GAN: variants seen among roughly 807,000 people sequenced by gnomAD.
The protein encoded by GAN is gigaxonin.
In GAN, 48 loss-of-function variants were observed where a neutral mutation model predicts 71.3. The ratio of observed to expected loss-of-function variants is 0.67; its 90% CI spans 0.53 to 0.86. The LOEUF (loss-of-function observed/expected upper bound fraction) is 0.86, where lower values mean the gene tolerates loss of function less well. GAN is among the 40% of genes least tolerant of loss of function. The probability of loss-of-function intolerance (pLI) is 0.00; values close to 1 mark genes in which losing one functional copy is unlikely to be tolerated. For missense variants in GAN, 928 were observed against 770.1 expected, an observed-to-expected ratio of 1.21 and a Z score of -2.43; for synonymous variants, 386 against 276.8, an observed-to-expected ratio of 1.39 and a Z score of -3.92.
chr16:81,372,834 A>G (rs988986846), intron 9 of GAN, among the ~76,000 whole-genome samples: 4 of 152,236 alleles, frequency 2.6e-5, no homozygotes, highest in Admixed American at 6.5e-5. Context: ...TTATCTTTCA[A>G]AGGTGTGTTC....
Position 81,357,905 on chromosome 16 carries a change from G to T in GAN, c.947G>T (p.Arg316Ile). 1 of 1,613,898 alleles carries T rather than the reference G, an allele frequency of 6.2e-7. No individual in the cohort carries two copies. Among genetic ancestry groups the T allele is most frequent in the Non-Finnish European group, 8.5e-7 (1 of 1,179,854 alleles). ...WIELAPLSMP[R>I]INHGVLSAEG... ...GAACTGGCCCCTTTAAGCATGCCGAGAATTAACCATGGAGTTCTCTCAGCA... is the reference window on the plus strand; with the variant it reads ...GAACTGGCCCCTTTAAGCATGCCGATAATTAACCATGGAGTTCTCTCAGCA... Residue 316 changes from arginine to isoleucine, a missense_variant, in exon 5 of 11, where the codon AGA becomes ATA. Transcript: ENST00000648994.
chr16:81,340,375 C>T (rs576668813), intron 1 of GAN, among the ~76,000 whole-genome samples: 14 of 152,306 alleles, frequency 9.2e-5, no homozygotes, highest in Admixed American at 8.5e-4. Flanking sequence ...TAAAAGGGCT[C>T]CTTGTCCAAC....
At chr16:81,323,017 C>G (rs984891187) in intron 1 of GAN, among the ~76,000 whole-genome samples, 1 of 152,204 alleles carries the variant, frequency 6.6e-6, no homozygotes, top group South Asian at 2.1e-4. Context: ...TTGCCATTCT[C>G]CTCTCCATGC....
chr16:81,358,600 C>T (rs545245563), intron 5 of GAN, among the ~76,000 whole-genome samples: 1 of 150,974 alleles, frequency 6.6e-6, no homozygotes, highest in Non-Finnish European at 1.5e-5. Context: ...CAGAGTGAGA[C>T]CCTGTCTCAA....
At chr16:81,376,039 G>C (rs1409246020) in intron 9 of GAN, among the ~76,000 whole-genome samples, 1 of 151,554 alleles carries the variant, frequency 6.6e-6, no homozygotes, top group African/African-American at 2.4e-5. Flanking sequence ...CAACATCATT[G>C]GTCTTCAGGG....
At chr16:81,324,549 G>T (rs1302823126) in intron 1 of GAN, among the ~76,000 whole-genome samples, 1 of 152,102 alleles carries the variant, frequency 6.6e-6, no homozygotes, top group Non-Finnish European at 1.5e-5. Flanking sequence ...GCAAAGGGTG[G>T]GATGGCATCG....
At position 81,365,332 on chromosome 16, in the gene GAN, C is replaced by T. The variant is rs761982534; in HGVS notation, c.1374-18C>T. The T allele has an allele frequency of 1.2e-6, 2 of 1,613,682 alleles. No homozygotes were observed. Among genetic ancestry groups the T allele is most frequent in the African/African-American group, 2.7e-5 (2 of 74,794 alleles). ...ATTGTACAGCTTGTGCCTGATAACG[C>T]TGTGTGTGGCCTTTCAGGTTTGGAG... On this transcript the variant is annotated intron_variant, in intron 8 of 10. Coordinates refer to ENST00000648994, the MANE Select transcript of GAN (RefSeq NM_022041.4).
At chr16:81,340,593 T>G (rs148226068) in intron 1 of GAN, among the ~76,000 whole-genome samples, 3,230 of 151,804 alleles carry the variant, frequency 0.021, 58 homozygotes, top group East Asian at 0.083. Flanking sequence ...AGCATCAACA[T>G]CAACAAAAAG....
In GAN at chr16:81,387,128, C is replaced by T. The variant is rs1904425142; in HGVS notation, c.*9532C>T. 3.9e-5 allele frequency: 6 copies of T among 152,116 alleles called. No individual in the cohort carries two copies. Among genetic ancestry groups the T allele is most frequent in the Admixed American group, 3.9e-4 (6 of 15,272 alleles). The allele number at this position is 152,116 out of a possible 1,614,324, so 9.4% of individuals were successfully genotyped here. On this transcript the variant is annotated 3_prime_UTR_variant, in exon 11 of 11. Transcript: ENST00000648994. Reference sequence around the variant, plus strand: ...ATAACTTGAATAAAAATATAGAAGGCAAAGAAGAGTGCTGGGCAAGATGTG... The same window carrying T: ...ATAACTTGAATAAAAATATAGAAGGTAAAGAAGAGTGCTGGGCAAGATGTG...
intron 9 of GAN, among the ~76,000 whole-genome samples, chr16:81,375,754 C>A (rs911660764): frequency 6.6e-6 from 1 of 151,846 alleles, no homozygotes; most frequent in East Asian, 1.9e-4. Context: ...TCACTTGAGC[C>A]CTGGAACCTG....
chr16:81,366,958 G>C (rs935656119), intron 9 of GAN, among the ~76,000 whole-genome samples: 1 of 152,078 alleles, frequency 6.6e-6, no homozygotes, highest in African/African-American at 2.4e-5. Context: ...CCAAGTAGCT[G>C]GGACTACAGG....
At chr16:81,364,142 T>C (rs1404417643) in intron 7 of GAN, among the ~76,000 whole-genome samples, 199 bp downstream of exon 7, 1 of 152,214 alleles carries the variant, frequency 6.6e-6, no homozygotes, top group Non-Finnish European at 1.5e-5. Flanking sequence ...TGTGAGAGTT[T>C]ATCCTGCTTG....
intron 2 of GAN, among the ~76,000 whole-genome samples, chr16:81,353,287 G>T (rs1341858370): frequency 4.6e-5 from 3 of 65,352 alleles, no homozygotes; most frequent in Non-Finnish European, 8.4e-5. Flanking sequence ...GCGAGACTCC[G>T]TCTCAAAAAA....
intron 1 of GAN, among the ~76,000 whole-genome samples, chr16:81,326,033 A>G (rs1476792088): frequency 2.6e-5 from 4 of 151,930 alleles, no homozygotes; most frequent in Non-Finnish European, 5.9e-5. Context: ...GATTTTTCCA[A>G]CTCTGCCAAA....
intron 9 of GAN, among the ~76,000 whole-genome samples, chr16:81,370,917 A>G (rs1017688057): frequency 2.0e-5 from 3 of 152,182 alleles, no homozygotes; most frequent in African/African-American, 4.8e-5. Flanking sequence ...TTGCTTTTCT[A>G]AGGCACACCA....
At chr16:81,326,363 C>CAAAAAAAAA (rs66769713) in intron 1 of GAN, among the ~76,000 whole-genome samples, 1 of 138,720 alleles carries the variant, frequency 7.2e-6, no homozygotes, top group African/African-American at 2.7e-5. Context: ...ACTAAAAATA[C>CAAAAAAAAA]AAAAAAAAAA....
chr16:81,320,205 A>G (rs933768364), intron 1 of GAN, among the ~76,000 whole-genome samples: 1 of 152,240 alleles, frequency 6.6e-6, no homozygotes, highest in African/African-American at 2.4e-5. Context: ...GGAGACTAAT[A>G]GGATCTCTGT....
chr16:81,382,829 CTAT>C lies in GAN; in HGVS notation c.*5241_*5243del, dbSNP rs1183763293. On this transcript the variant is annotated 3_prime_UTR_variant, in exon 11 of 11. Transcript: ENST00000648994. Reference sequence around the variant, plus strand: ...AGTTTTGTGTTTTTCAGAAGGAACCCTATTATTATTTCCATTTTAAACATATTT... The same window carrying C: ...AGTTTTGTGTTTTTCAGAAGGAACCCTATTATTTCCATTTTAAACATATTT... 5 of 152,016 alleles carry C rather than the reference CTAT, an allele frequency of 3.3e-5. No homozygotes were observed. The highest frequency in any genetic ancestry group is 2.9e-5 in the Non-Finnish European group (2 of 68,010). 9.4% of individuals were successfully genotyped at this position (152,016 alleles called of 1,614,324 possible). A position where few individuals can be genotyped will look rare whatever the true frequency, so the allele number is the denominator to read the frequency against.
chr16:81,350,296 A>G (rs1910256392), intron 1 of GAN, among the ~76,000 whole-genome samples: 1 of 152,192 alleles, frequency 6.6e-6, no homozygotes, highest in Admixed American at 6.5e-5. Flanking sequence ...TGCAGATGAT[A>G]ACCACAGTGA....
Sources: gnomAD v4.1 joint callset for allele counts (sites outside exome capture counted in the v4.1 genomes callset) on GRCh38, gnomAD v4.1.1 for gene constraint, MANE v1.5 for transcripts, NCBI Gene and HGNC (gene_info 2026-07-23, HGNC 2026-07-21) for gene names.